The following NAA15 variants were observed in gnomAD, a reference collection of about 807,000 sequenced individuals.
NAA15 encodes the protein N-alpha-acetyltransferase 15, NatA auxiliary subunit.
A neutral mutation model predicts 114.0 loss-of-function variants in NAA15; 34 were observed. That is an observed-to-expected ratio of 0.30 (90% CI 0.23 to 0.40). The LOEUF is 0.40. NAA15 is among the 10% of genes least tolerant of loss of function. NAA15 has a pLI of 1.00. For missense variants in NAA15, 658 were observed against 1,004.5 expected (o/e 0.66, Z 4.66); for synonymous variants, 340 against 338.0 (o/e 1.01, Z -0.06).
intron 11 of NAA15, among the ~76,000 whole-genome samples, chr4:139,358,011 A>G (rs1748014566): frequency 6.6e-6 from 1 of 152,112 alleles, no homozygotes; most frequent in African/African-American, 2.4e-5. Context: ...TTGCTTGAGA[A>G]TTTTTAGTCA....
intron 6 of NAA15, among the ~76,000 whole-genome samples, chr4:139,345,123 A>AAT (rs1418307349): frequency 2.6e-5 from 4 of 152,250 alleles, no homozygotes; most frequent in Non-Finnish European, 5.9e-5. Flanking sequence ...CAAAAAGTAT[A>AAT]ATATACATCC....
chr4:139,312,219 G>A (rs1393073213), intron 1 of NAA15, among the ~76,000 whole-genome samples: 1 of 151,914 alleles, frequency 6.6e-6, no homozygotes, highest in Non-Finnish European at 1.5e-5. Flanking sequence ...TGAAAAGAAT[G>A]TCAGTTGCCA....
chr4:139,337,267 A>G (rs1747228685), intron 3 of NAA15, among the ~76,000 whole-genome samples: 1 of 152,222 alleles, frequency 6.6e-6, no homozygotes, highest in South Asian at 2.1e-4. Context: ...GTTGAAAACT[A>G]ATCACCAATG....
At chr4:139,341,757 T>G (rs560699441) in intron 4 of NAA15, among the ~76,000 whole-genome samples, 81 of 151,762 alleles carry the variant, frequency 5.3e-4, no homozygotes, top group African/African-American at 1.6e-3. Context: ...AGTCTCACTC[T>G]GTTGCCCAGG....
intron 2 of NAA15, 134 bp from the exon 3 acceptor site, chr4:139,336,714 C>G: frequency 2.3e-6 from 1 of 440,808 alleles, no homozygotes; most frequent in Non-Finnish European, 3.8e-6. Context: ...TGGAAAGTAT[C>G]TTAGTAATCT....
chr4:139,346,257 C>A (rs1386808686), intron 6 of NAA15, among the ~76,000 whole-genome samples: 2 of 151,952 alleles, frequency 1.3e-5, no homozygotes, highest in African/African-American at 2.4e-5. Context: ...AGATGTAATG[C>A]ATATTTTGGA....
At position 139,370,400 on chromosome 4, in the gene NAA15, C is replaced by A; in HGVS notation, c.1943C>A (p.Ala648Asp). 1 of 1,571,194 alleles carries A rather than the reference C, an allele frequency of 6.4e-7. No individual in the cohort carries two copies. Among genetic ancestry groups the A allele is most frequent in the Non-Finnish European group, 8.6e-7 (1 of 1,167,786 alleles). ...PKEELIPEKL[A>D]KVETPLEEAI... ...GAAGAACTTATTCCAGAGAAACTGG[C>A]CAAGGTACTTAATAATAGTGTTTAG... The change falls in exon 15 of 20, where the codon GCC (alanine) becomes GAC (aspartate). Residue 648 changes from alanine (A) to aspartate (D), a missense_variant. Coordinates refer to ENST00000296543, the MANE Select transcript of NAA15 (RefSeq NM_057175.5).
chr4:139,343,861 T>C (rs1441545178), intron 5 of NAA15, among the ~76,000 whole-genome samples: 2 of 152,222 alleles, frequency 1.3e-5, no homozygotes, highest in African/African-American at 4.8e-5. Context: ...ATTACTATGA[T>C]AGTCGCAAAA....
chr4:139,324,732 A>G (rs1579093511), intron 1 of NAA15, among the ~76,000 whole-genome samples: 1 of 152,200 alleles, frequency 6.6e-6, no homozygotes, highest in South Asian at 2.1e-4. Context: ...GGAGTTCAAG[A>G]CCAGCCTGGC....
At position 139,389,579 on chromosome 4, in the gene NAA15, AT is replaced by A. The variant is rs1414168849; in HGVS notation, c.*1499del. On this transcript the variant is annotated 3_prime_UTR_variant, in exon 20 of 20. Transcript: ENST00000296543. ...TAATTTAAAAGGAAAACTAAAAACT[AT>A]TTTGATTTGGGAAAATGAGCCTTAA... 2 of 152,618 alleles carry A rather than the reference AT, an allele frequency of 1.3e-5. No individual in the cohort carries two copies. Among genetic ancestry groups the A allele is most frequent in the Non-Finnish European group, 2.9e-5 (2 of 68,026 alleles). 9.5% of individuals were successfully genotyped at this position (152,618 alleles called of 1,614,324 possible).
At chr4:139,314,998 C>CAGTTTAGTTTAGTTT (rs147452755) in intron 1 of NAA15, among the ~76,000 whole-genome samples, 3,125 of 65,982 alleles carry the variant, frequency 0.047, 220 homozygotes, top group Admixed American at 0.16. Flanking sequence ...CAGTTCAGTT[C>CAGTTTAGTTTAGTTT]AGTTTAGTTT....
intron 14 of NAA15, among the ~76,000 whole-genome samples, chr4:139,369,034 G>A (rs1360161982): frequency 2.6e-5 from 4 of 152,024 alleles, no homozygotes; most frequent in Admixed American, 2.6e-4. Flanking sequence ...TTCATTTATT[G>A]TGTTAACAAA....
chr4:139,371,596 C>T (rs1353301904), intron 15 of NAA15, among the ~76,000 whole-genome samples: 1 of 146,158 alleles, frequency 6.8e-6, no homozygotes, highest in African/African-American at 2.5e-5. Flanking sequence ...CATGTTTTTA[C>T]AAATAATTGT....
rs1054312232 is a variant in NAA15, at chr4:139,351,357, A to G, written c.907+71A>G. On this transcript the variant is annotated intron_variant, in intron 8 of 19. Coordinates refer to ENST00000296543, the MANE Select transcript of NAA15 (RefSeq NM_057175.5). ...AAAGTTTCTTTTCTTGGTTTTAAGT[A>G]TGAGTATGCATATTAAGTTTAAGCT... 6.6e-5 allele frequency: 75 copies of G among 1,131,120 alleles called. 3 individuals carry two copies. The South Asian group carries it at 8.2e-4, about 12-fold the overall frequency. The allele number at this position is 1,131,120 out of a possible 1,614,324, so 70.1% of individuals were successfully genotyped here. A position where few individuals can be genotyped will look rare whatever the true frequency, so the allele number is the denominator to read the frequency against.
intron 15 of NAA15, among the ~76,000 whole-genome samples, chr4:139,371,812 C>T (rs1343236619): frequency 6.6e-6 from 1 of 152,118 alleles, no homozygotes; most frequent in Admixed American, 6.6e-5. Context: ...TCACTGCCAG[C>T]CTGCTGCCAT....
chr4:139,335,816 A>G (rs926394335), intron 2 of NAA15, among the ~76,000 whole-genome samples: 15 of 150,910 alleles, frequency 9.9e-5, no homozygotes, highest in Admixed American at 2.0e-4. Context: ...CTGGAGTGCA[A>G]TGGGGCAATT....
chr4:139,317,202 A>G (rs1408184149), intron 1 of NAA15, among the ~76,000 whole-genome samples: 1 of 151,872 alleles, frequency 6.6e-6, no homozygotes, highest in Admixed American at 6.6e-5. Context: ...TTATGCTCTT[A>G]TACGTAAATT....
At chr4:139,325,766 A>G (rs1235982069) in intron 1 of NAA15, among the ~76,000 whole-genome samples, 6 of 152,078 alleles carry the variant, frequency 3.9e-5, no homozygotes, top group Non-Finnish European at 1.5e-5. Flanking sequence ...CTCCCATCTC[A>G]GGTTCATGAG....
At chr4:139,327,575 A>G (rs1746844292) in intron 1 of NAA15, among the ~76,000 whole-genome samples, 1 of 152,120 alleles carries the variant, frequency 6.6e-6, no homozygotes, top group Non-Finnish European at 1.5e-5. Flanking sequence ...TCTTATTCTC[A>G]TTCTTTTTCC....
Sources: allele counts gnomAD v4.1 joint callset (sites outside exome capture counted in the v4.1 genomes callset), GRCh38; gene constraint gnomAD v4.1.1; transcripts MANE v1.5; gene names NCBI Gene and HGNC (gene_info 2026-07-23, HGNC 2026-07-21).